The following COP1 variants were observed in gnomAD, a reference collection of about 807,000 sequenced individuals.
COP1 encodes COP1 E3 ubiquitin ligase.
In COP1, 24 loss-of-function variants were observed where a neutral mutation model predicts 101.3. The ratio of observed to expected loss-of-function variants is 0.24; its 90% CI spans 0.17 to 0.33. The LOEUF is 0.33. Ranked by LOEUF, COP1 falls within the 10% of genes least tolerant of loss-of-function variation. The pLI, the probability that COP1 is intolerant of heterozygous loss-of-function variation, is 1.00. For missense variants in COP1, 663 were observed against 906.2 expected (o/e 0.73, Z 3.45); for synonymous variants, 347 against 341.9 (o/e 1.01, Z -0.17).
intron 1 of COP1, among the ~76,000 whole-genome samples, chr1:176,185,689 C>A (rs532979832): frequency 7.2e-5 from 11 of 152,270 alleles, no homozygotes; most frequent in Non-Finnish European, 8.8e-5. Context: ...AAGACAAAAA[C>A]CTTAAGCTAG....
chr1:176,173,101 G>A (rs1696338757), intron 3 of COP1, among the ~76,000 whole-genome samples: 1 of 152,048 alleles, frequency 6.6e-6, no homozygotes. Context: ...CACGAGGTCA[G>A]GAGTTTGAGA....
intron 18 of COP1, among the ~76,000 whole-genome samples, chr1:175,951,437 A>AAAATATATAT (rs1320545568): frequency 2.8e-5 from 3 of 108,022 alleles, no homozygotes; most frequent in East Asian, 3.3e-4. Context: ...AAGATACGTG[A>AAAATATATAT]ATATATATAT....
intron 18 of COP1, among the ~76,000 whole-genome samples, chr1:175,951,463 A>ATGTATATATATAT (rs1558154896): frequency 2.5e-5 from 1 of 39,920 alleles, no homozygotes; most frequent in Non-Finnish European, 4.9e-5. Context: ...TATATATATA[A>ATGTATATATATAT]AAACTTCCAT....
chr1:175,988,510 G>T, intron 16 of COP1, 98 bp from the exon 17 acceptor site: 1 of 1,187,364 alleles, frequency 8.4e-7, no homozygotes, highest in Non-Finnish European at 1.2e-6. Flanking sequence ...GGTTAAGAAT[G>T]CAGGCTCTGG....
At chr1:176,045,967 A>G (rs576765187) in intron 12 of COP1, among the ~76,000 whole-genome samples, 22 of 151,410 alleles carry the variant, frequency 1.5e-4, no homozygotes, top group Admixed American at 5.9e-4. Flanking sequence ...TTTGGCAACC[A>G]GAAAAAAAAA....
chr1:176,161,658 T>C (rs1694344301), intron 5 of COP1, among the ~76,000 whole-genome samples: 1 of 152,134 alleles, frequency 6.6e-6, no homozygotes, highest in Non-Finnish European at 1.5e-5. Flanking sequence ...ATACCTGCTT[T>C]ACTGATTTAG....
At chr1:176,124,078 C>T (rs1457698485) in intron 8 of COP1, among the ~76,000 whole-genome samples, 1 of 152,126 alleles carries the variant, frequency 6.6e-6, no homozygotes, top group Non-Finnish European at 1.5e-5. Context: ...CTTTTATCAT[C>T]ATCATCAAGC....
At chr1:176,021,455 T>C (rs1666742706) in intron 15 of COP1, among the ~76,000 whole-genome samples, 4 of 152,230 alleles carry the variant, frequency 2.6e-5, no homozygotes, top group African/African-American at 9.6e-5. Flanking sequence ...CTCATTGATT[T>C]GCTTTACATT....
chr1:176,207,202 C>T lies in COP1; in HGVS notation c.-224G>A, dbSNP rs377749203. 8 of 405,668 alleles carry T rather than the reference C, an allele frequency of 2.0e-5. No individual in the cohort carries two copies. Among genetic ancestry groups the T allele is most frequent in the African/African-American group, 1.4e-4 (7 of 48,748 alleles). 25.1% of individuals were successfully genotyped at this position (405,668 alleles called of 1,614,324 possible). On this transcript the variant is annotated 5_prime_UTR_variant, in exon 1 of 20. Transcript: ENST00000367669. The stretch of plus-strand genomic sequence containing the variant: ...AAAAAAGCGGAGTAGAAGGCACTAC[C>T]GCTGTCGAGGCCGCCGCCGCCACCG...
At chr1:176,159,316 T>C (rs1693938038) in intron 5 of COP1, among the ~76,000 whole-genome samples, 1 of 152,152 alleles carries the variant, frequency 6.6e-6, no homozygotes, top group Non-Finnish European at 1.5e-5. Context: ...TCAGCTGTAC[T>C]GGTTATTACA....
intron 11 of COP1, among the ~76,000 whole-genome samples, chr1:176,066,116 G>A (rs969210393): frequency 6.6e-6 from 1 of 152,120 alleles, no homozygotes; most frequent in African/African-American, 2.4e-5. Flanking sequence ...TCTACCATCA[G>A]TTTCCCCATA....
At chr1:176,009,543 G>A (rs753448415) in intron 15 of COP1, among the ~76,000 whole-genome samples, 7 of 152,062 alleles carry the variant, frequency 4.6e-5, no homozygotes, top group Non-Finnish European at 7.4e-5. Context: ...CGTACTGCAC[G>A]AAGGTTTTTA....
chr1:176,143,146 A>AGAGAGAGAGAG (rs1553286862), intron 6 of COP1, among the ~76,000 whole-genome samples: 29 of 66,554 alleles, frequency 4.4e-4, no homozygotes, highest in African/African-American at 1.2e-3. Context: ...GAGCGAGAGA[A>AGAGAGAGAGAG]AGAGAGAGAG....
chr1:176,049,104 G>A (rs959820627), intron 11 of COP1, among the ~76,000 whole-genome samples: 19 of 149,936 alleles, frequency 1.3e-4, no homozygotes, highest in Non-Finnish European at 2.1e-4. Context: ...CCCAGGAAGC[G>A]GAGCTTGCAG....
chr1:175,997,978 T>C (rs1051275444), intron 15 of COP1, among the ~76,000 whole-genome samples: 1 of 139,200 alleles, frequency 7.2e-6, no homozygotes, highest in South Asian at 2.2e-4. Flanking sequence ...CTACTTACAA[T>C]AGCAAAGACT....
chr1:176,037,972 A>G (rs1354822764), intron 14 of COP1, among the ~76,000 whole-genome samples: 1 of 152,226 alleles, frequency 6.6e-6, no homozygotes, highest in African/African-American at 2.4e-5. Flanking sequence ...AAAGAAAGGC[A>G]TACAGTTGAA....
At chr1:176,036,729 A>G (rs748347981) in intron 14 of COP1, among the ~76,000 whole-genome samples, 1 of 152,280 alleles carries the variant, frequency 6.6e-6, no homozygotes, top group South Asian at 2.1e-4. Context: ...ATTATTCAAC[A>G]TTGTATTGTA....
chr1:176,113,986 T>C (rs1356600571), intron 9 of COP1, among the ~76,000 whole-genome samples: 2 of 152,092 alleles, frequency 1.3e-5, no homozygotes, highest in South Asian at 2.1e-4. Context: ...ACCTTGTTTT[T>C]TAAACGTGGC....
intron 15 of COP1, among the ~76,000 whole-genome samples, chr1:176,009,201 A>G (rs1485673758): frequency 1.3e-5 from 2 of 152,176 alleles, no homozygotes; most frequent in Non-Finnish European, 2.9e-5. Flanking sequence ...AACTGGTACT[A>G]GAGTCTGACA....
Sources: gnomAD v4.1 joint callset for allele counts (sites outside exome capture counted in the v4.1 genomes callset) on GRCh38, gnomAD v4.1.1 for gene constraint, MANE v1.5 for transcripts, NCBI Gene and HGNC (gene_info 2026-07-23, HGNC 2026-07-21) for gene names.